The following SLC9A9 variants were observed in gnomAD, a reference collection of about 807,000 sequenced individuals.
The protein encoded by SLC9A9 is sodium/hydrogen exchanger 9.
In SLC9A9, 62 loss-of-function variants were observed where a neutral mutation model predicts 77.8. The observed-to-expected ratio is 0.80, with a 90% CI of 0.65 to 0.98. The LOEUF (loss-of-function observed/expected upper bound fraction) is 0.98, where lower values mean the gene tolerates loss of function less well. Among genes scored for constraint, SLC9A9 ranks in the 50% least tolerant of loss-of-function variants. The pLI is 0.00. For missense variants in SLC9A9, 775 were observed against 774.9 expected (o/e 1.00, Z 0.00); for synonymous variants, 320 against 283.5 (o/e 1.13, Z -1.29).
chr3:143,287,912 T>A (rs1578264039), intron 14 of SLC9A9, among the ~76,000 whole-genome samples: 2 of 152,220 alleles, frequency 1.3e-5, no homozygotes, highest in Admixed American at 6.5e-5. Flanking sequence ...ACTTTCAGTA[T>A]AACTAGGATG....
At chr3:143,337,925 G>A (rs971558829) in intron 14 of SLC9A9, among the ~76,000 whole-genome samples, 11 of 152,216 alleles carry the variant, frequency 7.2e-5, no homozygotes, top group Middle Eastern at 3.2e-3. Context: ...CCACAGTGGA[G>A]AGTAACATGC....
chr3:143,312,327 C>T (rs1406967848), intron 14 of SLC9A9, among the ~76,000 whole-genome samples: 3 of 152,218 alleles, frequency 2.0e-5, no homozygotes, highest in African/African-American at 7.2e-5. Context: ...ACAAAAGCAC[C>T]TCTACCAAAG....
chr3:143,513,404 C>A (rs1201356615), intron 9 of SLC9A9, among the ~76,000 whole-genome samples: 1 of 152,148 alleles, frequency 6.6e-6, no homozygotes, highest in African/African-American at 2.4e-5. Flanking sequence ...TGCAGCAATT[C>A]AGGCTGTTTT....
At chr3:143,697,639 A>G (rs886552527) in intron 4 of SLC9A9, among the ~76,000 whole-genome samples, 14 of 151,970 alleles carry the variant, frequency 9.2e-5, no homozygotes, top group African/African-American at 2.9e-4. Context: ...ATACTTAACC[A>G]CCAACTCTAT....
At chr3:143,287,390 A>G (rs1330649949) in intron 14 of SLC9A9, among the ~76,000 whole-genome samples, 1 of 152,142 alleles carries the variant, frequency 6.6e-6, no homozygotes, top group Non-Finnish European at 1.5e-5. Flanking sequence ...GCTATGGACA[A>G]GAAGGGAAAA....
rs886920429 is a variant in SLC9A9 at position 143,393,359 on chromosome 3, G to A, written c.1470-11245C>T. Among the ~76,000 whole-genome samples the A allele has an allele frequency of 7.2e-5, 11 of 152,252 alleles. No homozygotes were observed. The South Asian group carries it at 1.9e-3, about 26-fold the overall frequency. On this transcript the variant is annotated intron_variant, in intron 12 of 15. Transcript: ENST00000316549. ...CTGCTCCTGAATGACTACTGGGTAC[G>A]TAAGGAAATGAAGGCAGAAATAAAG...
At chr3:143,599,888 C>T (rs1363680601) in intron 6 of SLC9A9, among the ~76,000 whole-genome samples, 1 of 152,084 alleles carries the variant, frequency 6.6e-6, no homozygotes, top group Non-Finnish European at 1.5e-5. Flanking sequence ...GAAACCAAAT[C>T]AAAACAAAAA....
intron 5 of SLC9A9, among the ~76,000 whole-genome samples, chr3:143,658,206 A>G (rs989101536): frequency 6.6e-6 from 1 of 152,198 alleles, no homozygotes; most frequent in African/African-American, 2.4e-5. Context: ...CACATAAGCA[A>G]AAACTCTTTG....
chr3:143,288,294 T>C (rs1938437648), intron 14 of SLC9A9, among the ~76,000 whole-genome samples: 1 of 151,786 alleles, frequency 6.6e-6, no homozygotes, highest in Non-Finnish European at 1.5e-5. Context: ...AAAGAACATA[T>C]CACATTATAA....
intron 12 of SLC9A9, among the ~76,000 whole-genome samples, chr3:143,383,989 C>T (rs1051185603): frequency 3.3e-5 from 5 of 152,172 alleles, no homozygotes; most frequent in East Asian, 1.9e-4. Flanking sequence ...ATCTCTCTAA[C>T]CAAGGGAACA....
intron 6 of SLC9A9, among the ~76,000 whole-genome samples, chr3:143,631,830 G>T (rs1219293229): frequency 6.6e-6 from 1 of 151,974 alleles, no homozygotes; most frequent in Non-Finnish European, 1.5e-5. Flanking sequence ...TTTAAAATTT[G>T]GACAATAAAT....
chr3:143,677,569 A>G (rs970391652), intron 5 of SLC9A9, among the ~76,000 whole-genome samples: 1 of 152,232 alleles, frequency 6.6e-6, no homozygotes, highest in Admixed American at 6.5e-5. Context: ...AAGGTATAAT[A>G]GCTTTGCCAA....
intron 2 of SLC9A9, among the ~76,000 whole-genome samples, chr3:143,815,883 ACAAACAAAAACAAC>A (rs2009002522): frequency 6.6e-6 from 1 of 152,144 alleles, no homozygotes; most frequent in Non-Finnish European, 1.5e-5. Flanking sequence ...AAACAAACAA[ACAAACAAAAACAAC>A]AAAACAAAAA....
At chr3:143,578,507 T>C in intron 7 of SLC9A9, 78 bp downstream of exon 7, 1 of 1,604,206 alleles carries the variant, frequency 6.2e-7, no homozygotes, top group Non-Finnish European at 8.5e-7. Flanking sequence ...GGCCTGGAGG[T>C]TGTCCATCAT....
In SLC9A9 at chr3:143,427,136, G is replaced by A. The variant is rs77311355; in HGVS notation, c.1469+39901C>T. ...CTATCAGCACTGATGGGATTACTGAGGAATGTTTCACTTGCTTACTCTGTG... is the reference window on the plus strand; with the variant it reads ...CTATCAGCACTGATGGGATTACTGAAGAATGTTTCACTTGCTTACTCTGTG... On this transcript the variant is annotated intron_variant, in intron 12 of 15. Coordinates refer to ENST00000316549, the MANE Select transcript of SLC9A9 (RefSeq NM_173653.4). Among the ~76,000 whole-genome samples the A allele has an allele frequency of 8.7e-3, 1,326 of 152,314 alleles. 22 individuals carry two copies. The highest frequency in any genetic ancestry group is 0.03 in the African/African-American group (1,244 of 41,560).
At chr3:143,807,877 G>A (rs1216582623) in intron 2 of SLC9A9, among the ~76,000 whole-genome samples, 1 of 152,268 alleles carries the variant, frequency 6.6e-6, no homozygotes, top group African/African-American at 2.4e-5. Flanking sequence ...GTGGAATTGG[G>A]CAGTGCTGGG....
chr3:143,385,518 C>T (rs535140400), intron 12 of SLC9A9, among the ~76,000 whole-genome samples: 1 of 152,298 alleles, frequency 6.6e-6, no homozygotes, highest in South Asian at 2.1e-4. Flanking sequence ...ATCTCTTACT[C>T]TCCTCTTCAA....
At chr3:143,469,088 A>C (rs112872173) in intron 11 of SLC9A9, among the ~76,000 whole-genome samples, 17,685 of 152,226 alleles carry the variant, frequency 0.12, 1,279 homozygotes, top group African/African-American at 0.19. Context: ...TGAACCTGGG[A>C]GGTGGAGGTT....
At chr3:143,305,047 G>A (rs2108431775) in intron 14 of SLC9A9, among the ~76,000 whole-genome samples, 1 of 152,148 alleles carries the variant, frequency 6.6e-6, no homozygotes, top group Admixed American at 6.5e-5. Context: ...TAATTTCTGG[G>A]ATTGAGAAAA....
Sources: gnomAD v4.1 joint callset for allele counts (sites outside exome capture counted in the v4.1 genomes callset) on GRCh38, gnomAD v4.1.1 for gene constraint, MANE v1.5 for transcripts, NCBI Gene and HGNC (gene_info 2026-07-23, HGNC 2026-07-21) for gene names.